The following NAV2 variants were observed in gnomAD, a reference collection of about 807,000 sequenced individuals.
The protein encoded by NAV2 is helicase, APC down-regulated 1.
NAV2 carries 54 observed loss-of-function variants against 223.2 expected under a neutral mutation model. That is an observed-to-expected ratio of 0.24 (90% confidence interval 0.19 to 0.30). The LOEUF (loss-of-function observed/expected upper bound fraction) is 0.30. Among genes scored for constraint, NAV2 ranks in the 10% least tolerant of loss-of-function variants. The pLI is 1.00. For synonymous variants in NAV2, 1,279 were observed against 1,239.3 expected (o/e 1.03, Z -0.67); for missense variants, 2,806 against 3,147.5 (o/e 0.89, Z 2.60).
At chr11:19,367,420 T>C (rs761973505) in intron 1 of NAV2, among the ~76,000 whole-genome samples, 2 of 152,234 alleles carry the variant, frequency 1.3e-5, no homozygotes, top group East Asian at 1.9e-4. Flanking sequence ...TTTTCAAGAA[T>C]TCAAGCCAAG....
chr11:19,938,127 G>A (rs1375755874), intron 7 of NAV2, among the ~76,000 whole-genome samples: 1 of 152,160 alleles, frequency 6.6e-6, no homozygotes, highest in Non-Finnish European at 1.5e-5. Flanking sequence ...GTAAAGAGTT[G>A]GAAAGGCAGG....
chr11:19,946,357 G>A (rs1446220665), intron 8 of NAV2, 44 bp from the exon 9 acceptor site: 1 of 1,552,290 alleles, frequency 6.4e-7, no homozygotes, highest in African/African-American at 1.4e-5. Flanking sequence ...TGAAGCTCAT[G>A]GTTGGTCAGA....
At position 19,842,852 on chromosome 11, in the gene NAV2, C is replaced by G. The variant is rs1374146127; in HGVS notation, c.386-19C>G. 6.2e-7 allele frequency: 1 copy of G among 1,613,232 alleles called. No individual in the cohort carries two copies. Among genetic ancestry groups the G allele is most frequent in the African/African-American group, 1.3e-5 (1 of 74,896 alleles). On this transcript the variant is annotated intron_variant, in intron 2 of 37. Transcript: ENST00000349880. ...TCTCTCTGGTGATTTATTTTTCTGA[C>G]TTGTGTTTCCTTTTTCAGCAAATGA...
In NAV2 at chr11:19,860,471, A is replaced by G. The variant is rs1025150398; in HGVS notation, c.439-8454A>G. Among the ~76,000 whole-genome samples, 910 of 144,300 alleles carry G rather than the reference A, an allele frequency of 6.3e-3. 10 individuals carry two copies. Among genetic ancestry groups the G allele is most frequent in the African/African-American group, 0.023 (874 of 38,060 alleles). 94.7% of individuals were successfully genotyped at this position (144,300 alleles called of 152,430 possible). On this transcript the variant is annotated intron_variant, in intron 3 of 37. Transcript: ENST00000349880. ...AGACGCTCCTCACTTCCTAGATGGG[A>G]TGGCAGCCTGGAAGAGGCGCTCCTC...
rs138584969 is a variant in NAV2, at chr11:19,673,825, G to A, written c.76-158659G>A. 6.7e-3 allele frequency among the ~76,000 whole-genome samples: 1,019 copies of A among 152,290 alleles called. 11 individuals are homozygous for A. The highest frequency in any genetic ancestry group is 7.2e-3 in the Non-Finnish European group (489 of 68,020). On this transcript the variant is annotated intron_variant, in intron 1 of 37. Transcript: ENST00000360655. The stretch of plus-strand genomic sequence containing the variant: ...CCAGGGCTCAGGGGCAGGGTCCCAG[G>A]ATCCTTTCAGGCCAGGGTGAGCAAG...
At chr11:19,402,241 G>T (rs540951847) in intron 1 of NAV2, among the ~76,000 whole-genome samples, 6 of 152,254 alleles carry the variant, frequency 3.9e-5, no homozygotes, top group Non-Finnish European at 7.4e-5. Flanking sequence ...TTCAAATCTA[G>T]GTTTGCTACT....
Position 19,595,203 on chromosome 11 carries a change from C to A in NAV2, c.76-237281C>A, listed in dbSNP as rs75665521. On this transcript the variant is annotated intron_variant, in intron 1 of 37. Transcript: ENST00000360655. ...AGTCCTTATTGGTGGAGGGTCACTC[C>A]TGGGGCATTCATTCCACCACACCTT... 3.8e-3 allele frequency among the ~76,000 whole-genome samples: 586 copies of A among 152,250 alleles called. 5 individuals carry two copies. The highest frequency in any genetic ancestry group is 0.017 in the Middle Eastern group (5 of 294).
chr11:19,957,791 T>G (rs779428431), intron 10 of NAV2, among the ~76,000 whole-genome samples: 1 of 152,134 alleles, frequency 6.6e-6, no homozygotes, highest in Non-Finnish European at 1.5e-5. Context: ...AGAGATTTAC[T>G]GGGGGACAGC....
intron 6 of NAV2, among the ~76,000 whole-genome samples, chr11:19,903,278 G>A (rs2042596621): frequency 1.3e-5 from 2 of 152,184 alleles, no homozygotes; most frequent in South Asian, 4.1e-4. Flanking sequence ...TGGGCCATTT[G>A]CAGGTGTCAC....
chr11:19,832,644 G>A, intron 2 of NAV2, 43 bp downstream of exon 2: 1 of 1,537,094 alleles, frequency 6.5e-7, no homozygotes, highest in Non-Finnish European at 9.0e-7. Context: ...TTACAGTGGA[G>A]CCATCTCAAA....
At chr11:19,899,005 C>A (rs1293974134) in intron 6 of NAV2, among the ~76,000 whole-genome samples, 2 of 152,180 alleles carry the variant, frequency 1.3e-5, no homozygotes, top group Admixed American at 6.5e-5. Context: ...TCTCAAGATA[C>A]TTCTCCAGAC....
At chr11:19,346,062 T>C (rs895810138), upstream of NAV2, among the ~76,000 whole-genome samples, 1 of 152,126 alleles carries the variant, frequency 6.6e-6, no homozygotes, top group African/African-American at 2.4e-5. Flanking sequence ...AGTCTTTAGG[T>C]GTATCTATGA....
At chr11:19,971,827 C>T (rs1448024421) in intron 10 of NAV2, among the ~76,000 whole-genome samples, 5 of 152,186 alleles carry the variant, frequency 3.3e-5, no homozygotes, top group African/African-American at 1.2e-4. Flanking sequence ...CTCAGCTTCC[C>T]AAGTAGCTGG....
In NAV2 at chr11:19,933,589, C is replaced by T; in HGVS notation, c.1345C>T (p.Leu449Phe). Reference sequence around the variant, plus strand: ...GGAGCTGGAGGCCGCCAGTCGCATGCTCACCACCGTGGGCCCTGCTTCCAG... The same window carrying T: ...GGAGCTGGAGGCCGCCAGTCGCATGTTCACCACCGTGGGCCCTGCTTCCAG... The part of the protein sequence containing the change: ...SEELEAASRM[L>F]TTVGPASSSP... Residue 449 changes from leucine to phenylalanine, a missense_variant, in exon 7 of 38, where the codon CTC becomes TTC. By Grantham distance (22) the Leu-to-Phe change is conservative (BLOSUM62 0). Around this residue, in one of 4 missense-constraint regions of NAV2, gnomAD observed 1,167 missense variants for 1,180.5 expected, o/e 0.99. Coordinates refer to ENST00000349880, the MANE Select transcript of NAV2 (RefSeq NM_145117.5). This position sits in a 1 kb window ranked among gnomAD's most constrained non-coding sequence, Gnocchi z 4.3. The T allele has an allele frequency of 6.2e-7, 1 of 1,612,842 alleles. No homozygotes were observed. The highest frequency in any genetic ancestry group is 1.7e-4 in the Middle Eastern group (1 of 6,056).
At chr11:20,087,262 C>G (rs976534452) in intron 26 of NAV2, among the ~76,000 whole-genome samples, 1 of 152,140 alleles carries the variant, frequency 6.6e-6, no homozygotes, top group Admixed American at 6.5e-5. Flanking sequence ...AACTATCCTC[C>G]AAGCCACTTT....
At chr11:19,357,217 C>A (rs1853670066) in intron 1 of NAV2, among the ~76,000 whole-genome samples, 1 of 152,132 alleles carries the variant, frequency 6.6e-6, no homozygotes, top group African/African-American at 2.4e-5. Context: ...CTTACCTGAT[C>A]TCTTTAGACT....
At chr11:19,914,613 C>T (rs866650866) in intron 6 of NAV2, among the ~76,000 whole-genome samples, 31 of 151,386 alleles carry the variant, frequency 2.0e-4, no homozygotes, top group Middle Eastern at 3.4e-3. Flanking sequence ...GGCGCAATCT[C>T]GGCTCACTGC....
At chr11:19,352,978 G>A (rs1853410182) in intron 1 of NAV2, among the ~76,000 whole-genome samples, 1 of 152,130 alleles carries the variant, frequency 6.6e-6, no homozygotes, top group African/African-American at 2.4e-5. Flanking sequence ...AAGCCTCTCA[G>A]CGTGCAGCCT....
intron 1 of NAV2, chr11:19,778,205 C>A: frequency 2.5e-6 from 1 of 398,564 alleles, no homozygotes. Context: ...GATCGGAAAT[C>A]TCTGGGTTTT....
Sources: allele counts gnomAD v4.1 joint callset (sites outside exome capture counted in the v4.1 genomes callset), GRCh38; gene constraint gnomAD v4.1.1; regional missense constraint gnomAD v4.1.1; non-coding constraint Gnocchi (gnomAD v3.1); transcripts MANE v1.5; gene names NCBI Gene and HGNC (gene_info 2026-07-23, HGNC 2026-07-21).